The following DOCK1 variants were observed in gnomAD, a reference collection of about 807,000 sequenced individuals.
DOCK1 encodes the protein dedicator of cytokinesis 1, also known as dedicator of cytokinesis protein 1.
A neutral mutation model predicts 262.7 loss-of-function variants in DOCK1; 138 were observed. The ratio of observed to expected loss-of-function variants is 0.53; its 90% CI spans 0.46 to 0.61. The LOEUF (loss-of-function observed/expected upper bound fraction) is 0.61, where lower values mean the gene tolerates loss of function less well. DOCK1 is among the 20% of genes least tolerant of loss of function. The pLI is 0.00. For missense variants in DOCK1, 1,908 were observed against 2,370.7 expected (o/e 0.80, Z 4.05); for synonymous variants, 866 against 867.4 (o/e 1.00, Z 0.03).
chr10:127,289,822 A>G (rs114557931), intron 29 of DOCK1, among the ~76,000 whole-genome samples: 1,585 of 149,842 alleles, frequency 0.011, 40 homozygotes, highest in African/African-American at 0.037. Context: ...TTGGAACTCA[A>G]TTACAGATTT....
intron 43 of DOCK1, among the ~76,000 whole-genome samples, chr10:127,411,509 G>A (rs2067844633): frequency 6.6e-6 from 1 of 152,158 alleles, no homozygotes; most frequent in Non-Finnish European, 1.5e-5. Context: ...CTGCCTACTA[G>A]GTGCCAGTGC....
At chr10:127,409,253 G>A (rs1173232750) in intron 41 of DOCK1, 60 bp from the exon 42 acceptor site, 4 of 1,611,880 alleles carry the variant, frequency 2.5e-6, no homozygotes, top group African/African-American at 2.7e-5. Flanking sequence ...GTGTGGTGGG[G>A]GGCCTCTCTC....
intron 38 of DOCK1, among the ~76,000 whole-genome samples, chr10:127,393,810 C>G (rs1206574780): frequency 6.6e-6 from 1 of 152,076 alleles, no homozygotes; most frequent in African/African-American, 2.4e-5. Context: ...CTCTTGGTTT[C>G]TTAATCTTTT....
At chr10:126,987,396 T>G (rs1243733411) in intron 4 of DOCK1, 125 bp from the exon 5 acceptor site, 2 of 666,176 alleles carry the variant, frequency 3.0e-6, no homozygotes, top group Admixed American at 3.0e-5. Context: ...GCAGTCTTAT[T>G]TGTAGATTTT....
At chr10:127,303,147 G>T (rs11017197) in intron 29 of DOCK1, among the ~76,000 whole-genome samples, 19,497 of 152,076 alleles carry the variant, frequency 0.13, 1,658 homozygotes, top group African/African-American at 0.24. Flanking sequence ...GTCTCAACTC[G>T]AAATACAGTA....
chr10:127,090,892 G>T (rs1228265544), intron 23 of DOCK1, among the ~76,000 whole-genome samples: 2 of 151,934 alleles, frequency 1.3e-5, no homozygotes. Context: ...TTTATCTCTG[G>T]ATGCACACCT....
intron 27 of DOCK1, among the ~76,000 whole-genome samples, chr10:127,157,829 A>T (rs2053229199): frequency 6.6e-6 from 1 of 152,218 alleles, no homozygotes; most frequent in Non-Finnish European, 1.5e-5. Context: ...AGTTGTTTGG[A>T]GTCCATGAAT....
chr10:127,253,868 C>T (rs1396623783), intron 28 of DOCK1, among the ~76,000 whole-genome samples: 1 of 70,898 alleles, frequency 1.4e-5, no homozygotes, highest in Non-Finnish European at 2.8e-5. Context: ...GCATGAGACC[C>T]TGTCTCAAAA....
chr10:127,197,859 G>C (rs946860472), intron 27 of DOCK1, among the ~76,000 whole-genome samples: 1 of 152,188 alleles, frequency 6.6e-6, no homozygotes, highest in Admixed American at 6.5e-5. Flanking sequence ...TTCTTTGTAT[G>C]TGGATGCTTT....
intron 23 of DOCK1, among the ~76,000 whole-genome samples, chr10:127,092,527 C>G (rs1395517861): frequency 6.6e-6 from 1 of 152,162 alleles, no homozygotes; most frequent in Admixed American, 6.5e-5. Flanking sequence ...GCTGCTCTGT[C>G]ATCCAAGTGG....
chr10:127,185,941 G>GT (rs1302416095), intron 27 of DOCK1, among the ~76,000 whole-genome samples: 1 of 152,146 alleles, frequency 6.6e-6, no homozygotes, highest in Admixed American at 6.5e-5. Context: ...TTATCAGAAG[G>GT]TTTGTTCTTA....
intron 35 of DOCK1, among the ~76,000 whole-genome samples, chr10:127,379,720 G>A (rs2065724747): frequency 6.6e-6 from 1 of 152,160 alleles, no homozygotes; most frequent in African/African-American, 2.4e-5. Context: ...CCAAATTTGG[G>A]ATATTTATTT....
intron 12 of DOCK1, among the ~76,000 whole-genome samples, chr10:127,017,597 A>G (rs1161877448): frequency 1.3e-5 from 2 of 152,034 alleles, no homozygotes; most frequent in Admixed American, 1.3e-4. Flanking sequence ...AGTGACTCAC[A>G]CAGACATACG....
At chr10:127,242,215 A>G (rs903216285) in intron 27 of DOCK1, among the ~76,000 whole-genome samples, 5 of 152,208 alleles carry the variant, frequency 3.3e-5, no homozygotes, top group African/African-American at 1.2e-4. Flanking sequence ...CTGGGAATGC[A>G]TGTTTTAAAT....
intron 7 of DOCK1, 42 bp from the exon 8 acceptor site, chr10:126,998,050 G>C (rs371594024): frequency 4.0e-5 from 64 of 1,609,004 alleles, no homozygotes; most frequent in Admixed American, 1.2e-4. Context: ...TGTCAGTGAT[G>C]AGTGTTGCTG....
chr10:127,111,627 T>A (rs180714941), intron 25 of DOCK1, among the ~76,000 whole-genome samples: 20 of 152,304 alleles, frequency 1.3e-4, no homozygotes, highest in Non-Finnish European at 2.2e-4. Context: ...GCACCCTGCT[T>A]CAGGGTTTCC....
chr10:127,082,738 A>AAG (rs2046977950), intron 23 of DOCK1, among the ~76,000 whole-genome samples: 1 of 152,032 alleles, frequency 6.6e-6, no homozygotes, highest in Non-Finnish European at 1.5e-5. Flanking sequence ...GCTGGAGGGG[A>AAG]AGGAGACAGA....
At chr10:127,167,587 T>G (rs1458983222) in intron 27 of DOCK1, among the ~76,000 whole-genome samples, 2 of 152,194 alleles carry the variant, frequency 1.3e-5, no homozygotes, top group East Asian at 1.9e-4. Flanking sequence ...GAATATGTTC[T>G]TGGAGCAGAA....
At position 127,069,466 on chromosome 10, in the gene DOCK1, A is replaced by C. The variant is rs192647000; in HGVS notation, c.2445+7690A>C. 1.2e-3 allele frequency among the ~76,000 whole-genome samples: 189 copies of C among 152,288 alleles called. 2 individuals carry two copies. The highest frequency in any genetic ancestry group is 4.0e-3 in the African/African-American group (167 of 41,558). ...CTTAAAGAAATTTGGGAGTATTTTG[A>C]GTCAGAAGGGTTTCCCAAGAGCAAG... On this transcript the variant is annotated intron_variant, in intron 23 of 51. Transcript: ENST00000623213.
Sources: gnomAD v4.1 joint callset for allele counts (sites outside exome capture counted in the v4.1 genomes callset) on GRCh38, gnomAD v4.1.1 for gene constraint, MANE v1.5 for transcripts, NCBI Gene and HGNC (gene_info 2026-07-23, HGNC 2026-07-21) for gene names.